Variants in NOC3L observed in about 807,000 individuals in gnomAD.
NOC3L encodes NOC3 like DNA replication regulator.
NOC3L carries 85 observed loss-of-function variants against 102.5 expected under a neutral mutation model. That is an observed-to-expected ratio of 0.83 (90% confidence interval 0.70 to 0.99). The LOEUF (loss-of-function observed/expected upper bound fraction) is 0.99, where lower values mean the gene tolerates loss of function less well. Among genes scored for constraint, NOC3L ranks in the 50% least tolerant of loss-of-function variants. The pLI, the probability that NOC3L is intolerant of heterozygous loss-of-function variation, is 0.00. For missense variants in NOC3L, 878 were observed against 914.9 expected, an observed-to-expected ratio of 0.96 and a Z score of 0.52; for synonymous variants, 303 against 309.4, an observed-to-expected ratio of 0.98 and a Z score of 0.22.
At position 94,352,406 on chromosome 10, in the gene NOC3L, GA is replaced by G. The variant is rs1167202059; in HGVS notation, c.859-4del. On this transcript the variant is annotated splice_region_variant and splice_polypyrimidine_tract_variant and intron_variant, in intron 7 of 20. Coordinates refer to ENST00000371361, the MANE Select transcript of NOC3L (RefSeq NM_022451.11). ...AACTTCTGGGTTTCTTTTCGGGTCTGAAAAGACCAAAAAGGTCAATCATTTT... is the reference window on the plus strand; with the variant it reads ...AACTTCTGGGTTTCTTTTCGGGTCTGAAAGACCAAAAAGGTCAATCATTTT... 1 of 1,595,698 alleles carries G rather than the reference GA, an allele frequency of 6.3e-7. No individual in the cohort carries two copies. Among genetic ancestry groups the G allele is most frequent in the Non-Finnish European group, 8.6e-7 (1 of 1,167,404 alleles).
intron 8 of NOC3L, among the ~76,000 whole-genome samples, chr10:94,351,746 T>C (rs1169894216): frequency 2.6e-5 from 4 of 151,456 alleles, no homozygotes; most frequent in Non-Finnish European, 5.9e-5. Flanking sequence ...CAGGCTGGTC[T>C]CAAACTCCTA....
chr10:94,331,451 T>C (rs2054154963), downstream of NOC3L: 1 of 152,224 alleles, frequency 6.6e-6, no homozygotes, highest in East Asian at 1.9e-4. Context: ...CCCAATAAAA[T>C]TGAATTAACT....
intron 19 of NOC3L, among the ~76,000 whole-genome samples, chr10:94,336,799 T>A (rs1313901371): frequency 6.6e-6 from 1 of 151,084 alleles, no homozygotes; most frequent in Non-Finnish European, 1.5e-5. Flanking sequence ...CTGGGCACAG[T>A]GGCTCACGCC....
intron 19 of NOC3L, among the ~76,000 whole-genome samples, chr10:94,336,132 G>T (rs2054214747): frequency 6.6e-6 from 1 of 152,108 alleles, no homozygotes; most frequent in African/African-American, 2.4e-5. Context: ...TGGCATAAAT[G>T]GGTTAAAGTC....
rs143670089 is a variant in NOC3L, at chr10:94,355,047, C to T, written c.612G>A (p.Leu204=). The change falls in exon 6 of 21, where the codon TTG becomes TTA. Residue 204 remains leucine (L), a synonymous_variant. Transcript: ENST00000371361. The stretch of plus-strand genomic sequence containing the variant: ...CCTGTAATTTCTTCTTTCTCTCAAT[C>T]AAATGTTCTTCTATGGTCAGCTCTT... ...PIQELTIEEH[L]IERKKKLQEK... 1.6e-4 allele frequency: 259 copies of T among 1,612,606 alleles called. No individual in the cohort carries two copies. Among genetic ancestry groups the T allele is most frequent in the Non-Finnish European group, 2.1e-4 (247 of 1,179,354 alleles).
chr10:94,325,197 CA>C, the NOC3L span: 1 of 929,528 alleles, frequency 1.1e-6, no homozygotes, highest in Non-Finnish European at 1.7e-6. Context: ...TTATCTTTTC[CA>C]ACAGGAGGAT....
the NOC3L span, among the ~76,000 whole-genome samples, chr10:94,323,749 T>TA: frequency 6.6e-6 from 1 of 152,228 alleles, no homozygotes; most frequent in Non-Finnish European, 1.5e-5. Context: ...GGCCCAGACT[T>TA]ACATTTCTTT....
At chr10:94,326,253 T>G in the NOC3L span, among the ~76,000 whole-genome samples, 5 of 152,314 alleles carry the variant, frequency 3.3e-5, no homozygotes, top group East Asian at 9.6e-4. Flanking sequence ...ACTTCTGATA[T>G]AAAACTGCCA....
the NOC3L span, among the ~76,000 whole-genome samples, chr10:94,317,310 A>G: frequency 6.6e-6 from 1 of 152,224 alleles, no homozygotes; most frequent in Non-Finnish European, 1.5e-5. Context: ...TCCATTTTAA[A>G]AATAAATAAA....
intron 19 of NOC3L, among the ~76,000 whole-genome samples, chr10:94,335,438 T>C: frequency 6.6e-6 from 1 of 152,120 alleles, no homozygotes; most frequent in East Asian, 1.9e-4. Flanking sequence ...TCTCCTTTTT[T>C]CCTTTTAAAA....
At position 94,334,085 on chromosome 10, in the gene NOC3L, T is replaced by A; in HGVS notation, c.*92A>T. 6.1e-6 allele frequency: 4 copies of A among 653,706 alleles called. No individual in the cohort carries two copies. The highest frequency in any genetic ancestry group is 1.1e-5 in the Non-Finnish European group (4 of 372,184). 40.5% of individuals were successfully genotyped at this position (653,706 alleles called of 1,614,324 possible). ...AGACATTCTTAGGAAGCTTTCCTTG[T>A]ATAAAAAGAAAAGATCCTAAGTTAA... On this transcript the variant is annotated 3_prime_UTR_variant, in exon 21 of 21. Coordinates refer to ENST00000371361, the MANE Select transcript of NOC3L (RefSeq NM_022451.11).
At chr10:94,322,059 G>A in the NOC3L span, 5 of 1,613,848 alleles carry the variant, frequency 3.1e-6, no homozygotes, top group Admixed American at 6.7e-5. Context: ...TCATTCAGCA[G>A]GTAAAAGCCT....
the NOC3L span, among the ~76,000 whole-genome samples, chr10:94,316,107 T>G: frequency 2.6e-5 from 4 of 152,162 alleles, no homozygotes; most frequent in African/African-American, 9.7e-5. Context: ...TCCCAGGAAC[T>G]TAGACCACAT....
chr10:94,347,950 T>C (rs1460369611), intron 10 of NOC3L, among the ~76,000 whole-genome samples: 2 of 151,874 alleles, frequency 1.3e-5, no homozygotes, highest in East Asian at 3.8e-4. Context: ...ATAAGAATAT[T>C]GTGGAGAAAA....
the NOC3L span, among the ~76,000 whole-genome samples, chr10:94,319,864 CT>C: frequency 6.8e-3 from 632 of 92,920 alleles, 1 homozygote; most frequent in African/African-American, 9.0e-3. Context: ...CAAAGGTGCT[CT>C]TTTTTTTTTT....
At chr10:94,355,163 T>C (rs1274819767) in intron 5 of NOC3L, 70 bp from the exon 6 acceptor site, 1 of 1,330,564 alleles carries the variant, frequency 7.5e-7, no homozygotes, top group African/African-American at 1.5e-5. Flanking sequence ...AATAAAATAT[T>C]TTTACAGTAA....
the NOC3L span, chr10:94,328,010 A>G: frequency 1.9e-6 from 1 of 531,066 alleles, no homozygotes; most frequent in Non-Finnish European, 3.9e-6. Flanking sequence ...AACATGGTGG[A>G]AAAAATATAA....
chr10:94,352,280 T>C (rs774647671), intron 8 of NOC3L, 30 bp downstream of exon 8: 2 of 1,430,024 alleles, frequency 1.4e-6, no homozygotes, highest in Non-Finnish European at 2.0e-6. Context: ...GCTAAGTATG[T>C]TACAAACTTT....
At chr10:94,322,052 T>C in the NOC3L span, 8 of 1,613,978 alleles carry the variant, frequency 5.0e-6, no homozygotes, top group African/African-American at 2.7e-5. Flanking sequence ...CAGGATGTCA[T>C]TCAGCAGGTA....
Sources: allele counts gnomAD v4.1 joint callset (sites outside exome capture counted in the v4.1 genomes callset), GRCh38; gene constraint gnomAD v4.1.1; transcripts MANE v1.5; gene names NCBI Gene and HGNC (gene_info 2026-07-23, HGNC 2026-07-21).